LINGO2: variants seen among roughly 807,000 people sequenced by gnomAD.
LINGO2 encodes leucine rich repeat and Ig domain containing 2.
In LINGO2, 14 loss-of-function variants were observed where a neutral mutation model predicts 30.6. The ratio of observed to expected loss-of-function variants is 0.46; its 90% confidence interval spans 0.30 to 0.72. The LOEUF is 0.72. LINGO2 is among the 30% of genes least tolerant of loss of function. The pLI, the probability that LINGO2 is intolerant of heterozygous loss-of-function variation, is 0.07. For synonymous variants in LINGO2, 317 were observed against 288.5 expected (o/e 1.10, Z -1.00); for missense variants, 729 against 751.7 (o/e 0.97, Z 0.35).
the LINGO2 span, among the ~76,000 whole-genome samples, chr9:29,068,796 GA>G: frequency 1.3e-5 from 2 of 151,820 alleles, no homozygotes; most frequent in African/African-American, 4.8e-5. Flanking sequence ...TTTAATCTTA[GA>G]AATGGAAGCA....
At chr9:29,005,075 T>C in the LINGO2 span, among the ~76,000 whole-genome samples, 1 of 152,004 alleles carries the variant, frequency 6.6e-6, no homozygotes, top group African/African-American at 2.4e-5. Flanking sequence ...ATGTGTTTGC[T>C]CATATGTATC....
At chr9:29,073,885 T>A in the LINGO2 span, among the ~76,000 whole-genome samples, 3 of 152,176 alleles carry the variant, frequency 2.0e-5, no homozygotes, top group Non-Finnish European at 4.4e-5. Context: ...TTGTGACTAT[T>A]TGAAGTTTTA....
chr9:28,331,894 G>A (rs952309578), intron 3 of LINGO2, among the ~76,000 whole-genome samples: 1 of 152,074 alleles, frequency 6.6e-6, no homozygotes, highest in African/African-American at 2.4e-5. Flanking sequence ...GGATGTGGTG[G>A]GCGCATCTAA....
At chr9:28,856,029 T>C in the LINGO2 span, among the ~76,000 whole-genome samples, 2 of 152,014 alleles carry the variant, frequency 1.3e-5, no homozygotes. Context: ...AGATGGTTAT[T>C]TGGAGCTAGA....
intron 5 of LINGO2, among the ~76,000 whole-genome samples, chr9:27,959,691 G>A (rs10124328): frequency 0.016 from 2,488 of 152,166 alleles, 51 homozygotes; most frequent in African/African-American, 0.056. Flanking sequence ...TTGGACCAGC[G>A]TATGATCAAT....
chr9:28,351,427 A>G (rs1385578046), intron 3 of LINGO2, among the ~76,000 whole-genome samples: 2 of 151,738 alleles, frequency 1.3e-5, no homozygotes, highest in East Asian at 3.9e-4. Context: ...CTCGACACAT[A>G]CGCTCTCCCA....
the LINGO2 span, among the ~76,000 whole-genome samples, chr9:28,700,251 T>C: frequency 1.3e-5 from 2 of 152,004 alleles, no homozygotes; most frequent in East Asian, 1.9e-4. Flanking sequence ...AGAGCCTACA[T>C]TGAAATACTG....
At chr9:28,161,427 CAAT>C (rs1018848224) in intron 4 of LINGO2, among the ~76,000 whole-genome samples, 2 of 151,920 alleles carry the variant, frequency 1.3e-5, no homozygotes, top group East Asian at 1.9e-4. Context: ...AGTGTAATGA[CAAT>C]AATTTTTTCA....
At chr9:28,495,095 C>T (rs1311050917) in intron 1 of LINGO2, among the ~76,000 whole-genome samples, 19 of 151,948 alleles carry the variant, frequency 1.3e-4, no homozygotes, top group East Asian at 1.2e-3. Flanking sequence ...TTGTTTGAGT[C>T]CTTTGTAGAT....
chr9:28,941,215 C>G, the LINGO2 span, among the ~76,000 whole-genome samples: 1 of 152,120 alleles, frequency 6.6e-6, no homozygotes, highest in African/African-American at 2.4e-5. Flanking sequence ...GAGACTCTGA[C>G]CAGTGCCAGA....
At chr9:28,096,261 T>C in intron 4 of LINGO2, among the ~76,000 whole-genome samples, 1 of 152,324 alleles carries the variant, frequency 6.6e-6, no homozygotes, top group Non-Finnish European at 1.5e-5. Context: ...GGATAATATT[T>C]ATGGTATTTG....
chr9:28,573,653 G>C (rs890431743), intron 1 of LINGO2, among the ~76,000 whole-genome samples: 3 of 152,008 alleles, frequency 2.0e-5, no homozygotes, highest in Non-Finnish European at 2.9e-5. Flanking sequence ...GAGCTAAAAT[G>C]GTATATGAGC....
the LINGO2 span, among the ~76,000 whole-genome samples, chr9:29,072,990 A>G: frequency 2.6e-5 from 3 of 116,794 alleles, no homozygotes; most frequent in African/African-American, 1.0e-4. Flanking sequence ...CTCTCCTCCT[A>G]TCTCCCATGG....
chr9:29,083,318 C>T, the LINGO2 span, among the ~76,000 whole-genome samples: 4 of 152,060 alleles, frequency 2.6e-5, no homozygotes, highest in African/African-American at 9.7e-5. Flanking sequence ...TCATTCTCAG[C>T]AAACTATCAC....
the LINGO2 span, among the ~76,000 whole-genome samples, chr9:28,730,898 T>C: frequency 2.0e-5 from 3 of 152,132 alleles, no homozygotes; most frequent in African/African-American, 7.2e-5. Context: ...CTGTTGGGAA[T>C]GTAAAATGGT....
intron 4 of LINGO2, among the ~76,000 whole-genome samples, chr9:28,260,996 T>A (rs916311906): frequency 6.6e-6 from 1 of 151,964 alleles, no homozygotes; most frequent in Admixed American, 6.6e-5. Flanking sequence ...TGTACCCGTA[T>A]AAGATACAAG....
chr9:29,126,079 T>C, the LINGO2 span, among the ~76,000 whole-genome samples: 1 of 152,130 alleles, frequency 6.6e-6, no homozygotes, highest in African/African-American at 2.4e-5. Flanking sequence ...TGGAACTACT[T>C]TACCTCTTTT....
the LINGO2 span, among the ~76,000 whole-genome samples, chr9:28,690,352 G>A: frequency 6.6e-6 from 1 of 152,150 alleles, no homozygotes; most frequent in Non-Finnish European, 1.5e-5. Context: ...CCAGATTCCT[G>A]ACCCATAAAA....
the LINGO2 span, among the ~76,000 whole-genome samples, chr9:28,876,257 A>AT: frequency 6.6e-6 from 1 of 151,728 alleles, no homozygotes; most frequent in Non-Finnish European, 1.5e-5. Flanking sequence ...TTTTTATTTT[A>AT]TTTTTATTAT....
Sources: gnomAD v4.1 joint callset for allele counts (sites outside exome capture counted in the v4.1 genomes callset) on GRCh38, gnomAD v4.1.1 for gene constraint, MANE v1.5 for transcripts, NCBI Gene and HGNC (gene_info 2026-07-23, HGNC 2026-07-21) for gene names.